TAF3: variants seen among roughly 807,000 people sequenced by gnomAD.
TAF3 encodes the protein transcription initiation factor TFIID subunit 3.
TAF3 carries 7 observed loss-of-function variants against 80.6 expected under a neutral mutation model. The observed-to-expected ratio is 0.09, with a 90% CI of 0.05 to 0.16. The LOEUF is 0.16. Among genes scored for constraint, TAF3 ranks in the 10% least tolerant of loss-of-function variants. TAF3 has a pLI of 1.00. For synonymous variants in TAF3, 444 were observed against 446.1 expected (o/e 1.00, Z 0.06); for missense variants, 921 against 1,140.2 (o/e 0.81, Z 2.77).
At chr10:7,957,705 A>G (rs1838149310) in intron 2 of TAF3, among the ~76,000 whole-genome samples, 1 of 152,134 alleles carries the variant, frequency 6.6e-6, no homozygotes, top group African/African-American at 2.4e-5. Flanking sequence ...CTAAAATAAC[A>G]GAAAATGAGT....
At chr10:7,934,688 A>G (rs966432152) in intron 2 of TAF3, among the ~76,000 whole-genome samples, 1 of 151,766 alleles carries the variant, frequency 6.6e-6, no homozygotes, top group Non-Finnish European at 1.5e-5. Context: ...CAAGTGATCC[A>G]CCTGTCTTGG....
At chr10:7,943,085 G>A (rs1219620025) in intron 2 of TAF3, among the ~76,000 whole-genome samples, 1 of 152,216 alleles carries the variant, frequency 6.6e-6, no homozygotes, top group East Asian at 1.9e-4. Flanking sequence ...TTACTTAGCA[G>A]CGGTTGTGAT....
rs147499758 is a variant in TAF3, at chr10:7,925,602, G to A, written c.410-38318G>A. Among the ~76,000 whole-genome samples the A allele has an allele frequency of 8.8e-3, 1,341 of 151,926 alleles. 11 individuals carry two copies. The highest frequency in any genetic ancestry group is 0.031 in the Middle Eastern group (9 of 292). ...GTGGATCACTTGAGGTCAGGAGCTCGAGACCAGCCTGGCCAACATGGTGAA... is the reference window on the plus strand; with the variant it reads ...GTGGATCACTTGAGGTCAGGAGCTCAAGACCAGCCTGGCCAACATGGTGAA... On this transcript the variant is annotated intron_variant, in intron 2 of 6. Transcript: ENST00000344293.
intron 2 of TAF3, among the ~76,000 whole-genome samples, chr10:7,861,354 C>G (rs574720744): frequency 6.6e-6 from 1 of 152,146 alleles, no homozygotes; most frequent in East Asian, 1.9e-4. Flanking sequence ...GATCCACCCA[C>G]CTTGTCCTCC....
intron 2 of TAF3, chr10:7,833,975 C>T (rs1267859280): frequency 3.4e-5 from 9 of 263,630 alleles, no homozygotes; most frequent in Admixed American, 1.1e-4. Context: ...TGCTGTCCTC[C>T]GGCACAGGAC....
At chr10:7,874,533 G>C (rs1006684069) in intron 2 of TAF3, among the ~76,000 whole-genome samples, 2 of 151,910 alleles carry the variant, frequency 1.3e-5, no homozygotes, top group African/African-American at 4.8e-5. Flanking sequence ...TTCTGTTCTG[G>C]CCTAAATATA....
intron 2 of TAF3, among the ~76,000 whole-genome samples, chr10:7,880,155 C>T (rs1837347066): frequency 6.6e-6 from 1 of 152,164 alleles, no homozygotes; most frequent in Admixed American, 6.5e-5. Context: ...GGGAGAATCA[C>T]CTGAGCCCGG....
At chr10:7,898,705 G>C (rs1004639738) in intron 2 of TAF3, among the ~76,000 whole-genome samples, 6 of 152,098 alleles carry the variant, frequency 3.9e-5, no homozygotes, top group Admixed American at 3.9e-4. Flanking sequence ...GAAAGAAAGA[G>C]GTAGACTCTC....
chr10:7,980,591 T>A (rs1275834140), intron 4 of TAF3, among the ~76,000 whole-genome samples: 1 of 152,228 alleles, frequency 6.6e-6, no homozygotes, highest in African/African-American at 2.4e-5. Flanking sequence ...GTAGTCTATA[T>A]TGAAGATAAA....
At chr10:7,956,088 T>G (rs1421873198) in intron 2 of TAF3, among the ~76,000 whole-genome samples, 1 of 152,206 alleles carries the variant, frequency 6.6e-6, no homozygotes, top group Admixed American at 6.5e-5. Context: ...TTAATAGATG[T>G]AGTTATATAA....
At chr10:7,900,601 A>G (rs555555986) in intron 2 of TAF3, among the ~76,000 whole-genome samples, 6 of 152,302 alleles carry the variant, frequency 3.9e-5, no homozygotes, top group African/African-American at 1.4e-4. Flanking sequence ...ATGAAATCGA[A>G]TCTCAACTAG....
chr10:7,910,932 TGA>T lies in TAF3; in HGVS notation c.410-52984_410-52983del, dbSNP rs1434964693. Among the ~76,000 whole-genome samples, 3 of 152,360 alleles carry T rather than the reference TGA, an allele frequency of 2.0e-5. No individual in the cohort carries two copies. The East Asian group carries it at 5.8e-4, about 29-fold the overall frequency. On this transcript the variant is annotated intron_variant, in intron 2 of 6. Transcript: ENST00000344293. ...AAAATGCAAACAAATAGTATCTGAC[TGA>T]GAGTGATATTTCACCTGTGATGTAG...
intron 4 of TAF3, among the ~76,000 whole-genome samples, chr10:7,979,395 C>T (rs1264298487): frequency 6.7e-6 from 1 of 148,816 alleles, no homozygotes; most frequent in African/African-American, 2.5e-5. Context: ...TAGTTATATT[C>T]AACTCACCTG....
intron 4 of TAF3, among the ~76,000 whole-genome samples, chr10:7,998,267 A>ATATATATATATATATATATG (rs1831909811): frequency 2.2e-5 from 1 of 45,924 alleles, no homozygotes; most frequent in East Asian, 5.8e-4. Context: ...ATATATATGT[A>ATATATATATATATATATATG]TATATATATA....
chr10:7,948,086 A>G (rs899613300), intron 2 of TAF3, among the ~76,000 whole-genome samples: 9 of 150,072 alleles, frequency 6.0e-5, no homozygotes, highest in African/African-American at 1.5e-4. Flanking sequence ...TTTTGGAGAC[A>G]GGGTCTCACT....
intron 2 of TAF3, among the ~76,000 whole-genome samples, chr10:7,842,086 T>G (rs1836920238): frequency 6.6e-6 from 1 of 151,606 alleles, no homozygotes; most frequent in Non-Finnish European, 1.5e-5. Flanking sequence ...TTCATTGAGT[T>G]GCGTGAGTAC....
At chr10:8,001,576 A>G (rs1307709876) in intron 4 of TAF3, among the ~76,000 whole-genome samples, 1 of 152,182 alleles carries the variant, frequency 6.6e-6, no homozygotes, top group African/African-American at 2.4e-5. Flanking sequence ...TGCCATATAA[A>G]ATTGTCGTGC....
intron 2 of TAF3, among the ~76,000 whole-genome samples, chr10:7,862,727 CATT>C (rs1837160161): frequency 6.6e-6 from 1 of 152,202 alleles, no homozygotes; most frequent in South Asian, 2.1e-4. Context: ...TATTTACTGT[CATT>C]GTAGATTATT....
chr10:8,000,215 C>T lies in TAF3; in HGVS notation c.2316-8863C>T, dbSNP rs144196493. ...CACTATCTCAGCTCACTCCTGGGTTCAAGCGATTCTCTAGCCTCAGCCTCC... is the reference window on the plus strand; with the variant it reads ...CACTATCTCAGCTCACTCCTGGGTTTAAGCGATTCTCTAGCCTCAGCCTCC... On this transcript the variant is annotated intron_variant, in intron 4 of 6. Transcript: ENST00000344293. Among the ~76,000 whole-genome samples the T allele has an allele frequency of 1.5e-3, 224 of 152,136 alleles. 3 individuals are homozygous for T. The highest frequency in any genetic ancestry group is 5.3e-3 in the African/African-American group (219 of 41,524).
Sources: gnomAD v4.1 joint callset for allele counts (sites outside exome capture counted in the v4.1 genomes callset) on GRCh38, gnomAD v4.1.1 for gene constraint, MANE v1.5 for transcripts, NCBI Gene and HGNC (gene_info 2026-07-23, HGNC 2026-07-21) for gene names.